Variants in HERC1 observed in about 807,000 individuals in gnomAD.
The protein encoded by HERC1 is HECT and RLD domain containing E3 ubiquitin protein ligase family member 1.
In HERC1, 160 loss-of-function variants were observed where a neutral mutation model predicts 554.3. That is an observed-to-expected ratio of 0.29 (90% CI 0.25 to 0.33). The LOEUF (loss-of-function observed/expected upper bound fraction) is 0.33, where lower values mean the gene tolerates loss of function less well. Ranked by LOEUF, HERC1 falls within the 10% of genes least tolerant of loss-of-function variation. The pLI is 1.00. For missense variants in HERC1, 4,919 were observed against 5,918.5 expected (o/e 0.83, Z 5.54); for synonymous variants, 2,175 against 2,131.7 (o/e 1.02, Z -0.56).
At chr15:63,780,012 CAAAAAAAAAA>C (rs11447637) in intron 1 of HERC1, 3 of 84,326 alleles carry the variant, frequency 3.6e-5, no homozygotes, top group Non-Finnish European at 6.3e-5. Context: ...GACTCCATCT[CAAAAAAAAAA>C]AAAAAAAAAA....
Position 63,623,711 on chromosome 15 carries a change from C to A in HERC1, c.13611+14G>T. The stretch of plus-strand genomic sequence containing the variant: ...AGACTAGATAACTCAGCAGGGGACA[C>A]TGCAGGAATATACCTGGCACATCTC... On this transcript the variant is annotated intron_variant, in intron 73 of 77. Coordinates refer to ENST00000443617, the MANE Select transcript of HERC1 (RefSeq NM_003922.4). 9 of 1,613,088 alleles carry A rather than the reference C, an allele frequency of 5.6e-6. No individual in the cohort carries two copies. The African/African-American group carries it at 8.0e-5, about 14-fold the overall frequency.
rs1283209652 is a variant in HERC1, at chr15:63,755,272, A to G, written c.1587T>C (p.Asp529=). The change falls in exon 6 of 78, where the codon GAT becomes GAC. Residue 529 remains aspartate, a synonymous_variant. Transcript: ENST00000443617. ...CTTCACCCCATGTGTATAATTCCCCATCCTCTGTGACAGCAGCACTATGTC... is the reference window on the plus strand; with the variant it reads ...CTTCACCCCATGTGTATAATTCCCCGTCCTCTGTGACAGCAGCACTATGTC... ...GYRHSAAVTE[D]GELYTWGEGD... 1.2e-6 allele frequency: 2 copies of G among 1,613,858 alleles called. No individual in the cohort carries two copies. The highest frequency in any genetic ancestry group is 2.2e-5 in the South Asian group (2 of 91,078).
At chr15:63,740,268 C>T (rs1397248418) in intron 12 of HERC1, among the ~76,000 whole-genome samples, 2 of 152,120 alleles carry the variant, frequency 1.3e-5, no homozygotes, top group African/African-American at 4.8e-5. Flanking sequence ...TACTTCACTC[C>T]TTTTTATGGC....
chr15:63,711,705 A>C (rs932071285), intron 24 of HERC1, among the ~76,000 whole-genome samples: 1 of 152,230 alleles, frequency 6.6e-6, no homozygotes, highest in East Asian at 1.9e-4. Flanking sequence ...AGTCCATCTC[A>C]AACGCTAGCA....
intron 18 of HERC1, among the ~76,000 whole-genome samples, chr15:63,723,650 C>A (rs1199089493): frequency 6.6e-6 from 1 of 152,150 alleles, no homozygotes; most frequent in Non-Finnish European, 1.5e-5. Flanking sequence ...TTTTGGCAGG[C>A]AGAGGCCAGA....
chr15:63,759,044 A>G (rs1022495763), intron 3 of HERC1, among the ~76,000 whole-genome samples: 6 of 152,092 alleles, frequency 3.9e-5, no homozygotes, highest in Non-Finnish European at 7.4e-5. Context: ...CTTTCCTTTA[A>G]TAGGGCATTT....
At position 63,694,368 on chromosome 15, in the gene HERC1, G is replaced by C; in HGVS notation, c.5424C>G (p.Ser1808Arg). The C allele has an allele frequency of 6.2e-7, 1 of 1,613,916 alleles. No homozygotes were observed. The highest frequency in any genetic ancestry group is 8.5e-7 in the Non-Finnish European group (1 of 1,179,872). ...TTGTACTGGCCACTTTCAAAGCTGTGCTAAGCTGGGAAACACCCGTCTTTG... is the reference window on the plus strand; with the variant it reads ...TTGTACTGGCCACTTTCAAAGCTGTCCTAAGCTGGGAAACACCCGTCTTTG... ...LLPKTGVSQL[S>R]TALKVASTRL... The change falls in exon 29 of 78, where the codon AGC becomes AGG. Residue 1808 changes from serine (S) to arginine (R), a missense_variant. Coordinates refer to ENST00000443617, the MANE Select transcript of HERC1 (RefSeq NM_003922.4). The surrounding 1 kb of genome is among the most constrained non-coding windows in gnomAD (Gnocchi z 4.3).
At chr15:63,764,228 G>T in intron 2 of HERC1, 37 bp from the exon 3 acceptor site, 1 of 1,408,788 alleles carries the variant, frequency 7.1e-7, no homozygotes, top group Non-Finnish European at 9.9e-7. Context: ...GCGTAGGAAG[G>T]GGAGAGACAT....
At chr15:63,664,000 C>A (rs140600378) in intron 43 of HERC1, among the ~76,000 whole-genome samples, 95 of 152,268 alleles carry the variant, frequency 6.2e-4, no homozygotes, top group African/African-American at 2.1e-3. Context: ...ATGCCCAGAA[C>A]GTAATCCTAG....
At chr15:63,610,814 G>A (rs1372982368) in intron 77 of HERC1, among the ~76,000 whole-genome samples, 1 of 152,202 alleles carries the variant, frequency 6.6e-6, no homozygotes, top group Non-Finnish European at 1.5e-5. Context: ...AACATCATGG[G>A]CCCTGCTCAG....
At chr15:63,635,926 C>T in intron 65 of HERC1, 35 bp downstream of exon 65, 1 of 1,605,094 alleles carries the variant, frequency 6.2e-7, no homozygotes, top group Non-Finnish European at 8.5e-7. Context: ...AGTATATTTA[C>T]AATGAAAGGC....
At chr15:63,619,727 G>A (rs976590986) in intron 74 of HERC1, among the ~76,000 whole-genome samples, 1 of 152,190 alleles carries the variant, frequency 6.6e-6, no homozygotes, top group African/African-American at 2.4e-5. Context: ...TCTTGGGAGA[G>A]TGTATGTGTC....
At chr15:63,823,597 G>A (rs985352647) in intron 1 of HERC1, among the ~76,000 whole-genome samples, 1 of 152,200 alleles carries the variant, frequency 6.6e-6, no homozygotes, top group Non-Finnish European at 1.5e-5. Context: ...ATTGACAATG[G>A]TCGGAGTGGA....
intron 1 of HERC1, among the ~76,000 whole-genome samples, chr15:63,796,903 A>G (rs1352586535): frequency 1.3e-5 from 2 of 152,198 alleles, no homozygotes; most frequent in Admixed American, 1.3e-4. Context: ...AATGTTTCTT[A>G]TCAGACTTAA....
rs556539066 is a variant in HERC1, at chr15:63,823,829, T to C, written c.-27+9998A>G. ...TGGGAATAATTTAAAATGAGAGACATTTCTGCATAGCAAAAGAACAATTAA... is the reference window on the plus strand; with the variant it reads ...TGGGAATAATTTAAAATGAGAGACACTTCTGCATAGCAAAAGAACAATTAA... On this transcript the variant is annotated intron_variant, in intron 1 of 77. Coordinates refer to ENST00000443617, the MANE Select transcript of HERC1 (RefSeq NM_003922.4). Among the ~76,000 whole-genome samples the C allele has an allele frequency of 4.6e-5, 7 of 152,316 alleles. No individual in the cohort carries two copies. The South Asian group carries it at 1.4e-3, about 32-fold the overall frequency.
chr15:63,612,374 G>A lies in HERC1; in HGVS notation c.14277C>T (p.His4759=), dbSNP rs747124430. 3 of 1,614,038 alleles carry A rather than the reference G, an allele frequency of 1.9e-6. No homozygotes were observed. The highest frequency in any genetic ancestry group is 2.5e-6 in the Non-Finnish European group (3 of 1,179,906). ...CCTCATTGGAGAACTCTTCCAGCGTGTGCCAGAACCACTGCACCAGCTGAT... is the reference window on the plus strand; with the variant it reads ...CCTCATTGGAGAACTCTTCCAGCGTATGCCAGAACCACTGCACCAGCTGAT... The part of the protein sequence containing the change: ...EQHQLVQWFW[H]TLEEFSNEER... The change falls in exon 77 of 78, where the codon CAC becomes CAT. Residue 4759 remains histidine (H), a synonymous_variant. Transcript: ENST00000443617. The surrounding 1 kb of genome is among the most constrained non-coding windows in gnomAD (Gnocchi z 5.0).
intron 13 of HERC1, among the ~76,000 whole-genome samples, chr15:63,733,823 G>C (rs1367939169): frequency 6.6e-6 from 1 of 151,970 alleles, no homozygotes; most frequent in Non-Finnish European, 1.5e-5. Context: ...CTGCACTCCA[G>C]CCTGGATGAC....
Position 63,654,115 on chromosome 15 carries a change from T to C in HERC1, c.10290+4A>G. Reference sequence around the variant, plus strand: ...TTAACACACTTTCCACTCAAAATACTTACTCTGTTCTGATGAGCCTCCAAT... The same window carrying C: ...TTAACACACTTTCCACTCAAAATACCTACTCTGTTCTGATGAGCCTCCAAT... On this transcript the variant is annotated splice_donor_region_variant and intron_variant, in intron 51 of 77. Transcript: ENST00000443617. 6.2e-7 allele frequency: 1 copy of C among 1,605,616 alleles called. No homozygotes were observed. The highest frequency in any genetic ancestry group is 8.5e-7 in the Non-Finnish European group (1 of 1,172,436).
At position 63,628,818 on chromosome 15, in the gene HERC1, G is replaced by A. The variant is rs937118065; in HGVS notation, c.12967-3C>T. On this transcript the variant is annotated splice_polypyrimidine_tract_variant and splice_region_variant and intron_variant, in intron 69 of 77. Coordinates refer to ENST00000443617, the MANE Select transcript of HERC1 (RefSeq NM_003922.4). ...TGGTTGGTATGGCCTAAGCCGAGCT[G>A]GGAATAAATCACAAATATACAGACA... is the stretch of plus-strand genomic sequence containing the variant. 1.9e-6 allele frequency: 3 copies of A among 1,611,200 alleles called. No homozygotes were observed. Among genetic ancestry groups the A allele is most frequent in the Non-Finnish European group, 2.5e-6 (3 of 1,178,878 alleles).
Sources: allele counts gnomAD v4.1 joint callset (sites outside exome capture counted in the v4.1 genomes callset), GRCh38; gene constraint gnomAD v4.1.1; non-coding constraint Gnocchi (gnomAD v3.1); transcripts MANE v1.5; gene names NCBI Gene and HGNC (gene_info 2026-07-23, HGNC 2026-07-21).